Variants in ATG14 observed in about 807,000 individuals in gnomAD.
ATG14 encodes the protein autophagy related 14.
In ATG14, 35 loss-of-function variants were observed where a neutral mutation model predicts 60.4. That is an observed-to-expected ratio of 0.58 (90% CI 0.44 to 0.77). The LOEUF (loss-of-function observed/expected upper bound fraction) is 0.77. ATG14 is among the 30% of genes least tolerant of loss of function. ATG14 has a pLI of 0.00. For missense variants in ATG14, 647 were observed against 626.3 expected (o/e 1.03, Z -0.35); for synonymous variants, 234 against 228.8 (o/e 1.02, Z -0.21).
At chr14:55,398,233 G>A (rs1474944060) in intron 1 of ATG14, among the ~76,000 whole-genome samples, 2 of 152,134 alleles carry the variant, frequency 1.3e-5, no homozygotes, top group Non-Finnish European at 2.9e-5. Flanking sequence ...TTACAGGTGT[G>A]AGCCACCGCG....
chr14:55,398,542 ATT>A (rs1246916178), intron 1 of ATG14, among the ~76,000 whole-genome samples: 1 of 152,164 alleles, frequency 6.6e-6, no homozygotes, highest in Non-Finnish European at 1.5e-5. Context: ...TTAGAAGCAT[ATT>A]GTTTAATTTT....
intron 1 of ATG14, among the ~76,000 whole-genome samples, chr14:55,403,356 A>T (rs534599349): frequency 1.3e-5 from 2 of 152,276 alleles, no homozygotes; most frequent in East Asian, 3.9e-4. Context: ...CTGAGGGATT[A>T]TGAAACCAGG....
At position 55,374,198 on chromosome 14, in the gene ATG14, G is replaced by GT. The variant is rs1188241323; in HGVS notation, c.1172+3620dup. 4.0e-5 allele frequency among the ~76,000 whole-genome samples: 6 copies of GT among 150,446 alleles called. No individual in the cohort carries two copies. The East Asian group carries it at 1.2e-3, about 29-fold the overall frequency. On this transcript the variant is annotated intron_variant, in intron 9 of 9. Transcript: ENST00000247178. ...AAACTTGTTTTGAATTGCATTTTAA[G>GT]TTTTTTATTATTTTAATGTTTTTTT...
At position 55,368,377 on chromosome 14, in the gene ATG14, A is replaced by C. The variant is rs1884732549; in HGVS notation, c.*1242T>G. 2 of 151,692 alleles carry C rather than the reference A, an allele frequency of 1.3e-5. No homozygotes were observed. The highest frequency in any genetic ancestry group is 1.3e-4 in the Admixed American group (2 of 15,250). The allele number at this position is 151,692 out of a possible 1,614,324, so 9.4% of individuals were successfully genotyped here. A position where few individuals can be genotyped will look rare whatever the true frequency, so the allele number is the denominator to read the frequency against. ...TGGGATTACAGGCGTGCGCCACCAC[A>C]CCCGGTAATTTTTTGTATTTTTAGT... On this transcript the variant is annotated 3_prime_UTR_variant, in exon 10 of 10. Transcript: ENST00000247178.
intron 9 of ATG14, among the ~76,000 whole-genome samples, chr14:55,371,528 C>G (rs546540588): frequency 6.6e-6 from 1 of 151,422 alleles, no homozygotes; most frequent in South Asian, 2.1e-4. Context: ...CCCCTCAGGC[C>G]GGGCGCGGTG....
At chr14:55,405,200 A>G in intron 1 of ATG14, among the ~76,000 whole-genome samples, 1 of 152,336 alleles carries the variant, frequency 6.6e-6, no homozygotes, top group East Asian at 1.9e-4. Flanking sequence ...TTCTCAAGAC[A>G]ATAGATTTTT....
In ATG14 at chr14:55,367,464, C is replaced by A. The variant is rs922955698; in HGVS notation, c.*2155G>T. On this transcript the variant is annotated 3_prime_UTR_variant, in exon 10 of 10. Transcript: ENST00000247178. Reference sequence around the variant, plus strand: ...CAGTGTAGAAGAACCCATAAGGGGCCGGGCGCGGTGGCTCAGGCCTGTAAT... The same window carrying A: ...CAGTGTAGAAGAACCCATAAGGGGCAGGGCGCGGTGGCTCAGGCCTGTAAT... 1 of 152,142 alleles carries A rather than the reference C, an allele frequency of 6.6e-6. No homozygotes were observed. Among genetic ancestry groups the A allele is most frequent in the Non-Finnish European group, 1.5e-5 (1 of 68,038 alleles). 9.4% of individuals were successfully genotyped at this position (152,142 alleles called of 1,614,324 possible). A position where few individuals can be genotyped will look rare whatever the true frequency, so the allele number is the denominator to read the frequency against.
intron 7 of ATG14, among the ~76,000 whole-genome samples, chr14:55,379,517 C>G (rs531995798): frequency 3.0e-4 from 45 of 152,106 alleles, no homozygotes; most frequent in East Asian, 1.9e-4. Context: ...TGCACTCCAG[C>G]CTGGACGACA....
At chr14:55,370,897 T>C (rs1490097759) in intron 9 of ATG14, among the ~76,000 whole-genome samples, 2 of 152,132 alleles carry the variant, frequency 1.3e-5, no homozygotes, top group African/African-American at 4.8e-5. Flanking sequence ...CACCCCTGCC[T>C]CTCAAAACGC....
chr14:55,386,093 G>A lies in ATG14; in HGVS notation c.413C>T (p.Ser138Phe). The change falls in exon 5 of 10, where the codon TCT (serine) becomes TTT (phenylalanine). Residue 138 changes from serine to phenylalanine, a missense_variant. Ser to Phe is a radical substitution (Grantham distance 155). Coordinates refer to ENST00000247178, the MANE Select transcript of ATG14 (RefSeq NM_014924.5). ...TTCCTTGGTTTTGAGAAGGCCTTCA[G>A]AATCTAAAATAAATAAATCACACCC... ...CKGNEEMEKN[S>F]EGLLKTKEKN... 6.2e-7 allele frequency: 1 copy of A among 1,606,900 alleles called. No individual in the cohort carries two copies.
At chr14:55,369,993 T>C in intron 9 of ATG14, 68 bp from the exon 10 acceptor site, 2 of 1,468,206 alleles carry the variant, frequency 1.4e-6, no homozygotes, top group Non-Finnish European at 9.2e-7. Context: ...TATGCCATCT[T>C]CCTGAAGGCC....
rs112171633 is a variant in ATG14 at position 55,370,834 on chromosome 14, T to A, written c.1173-909A>T. On this transcript the variant is annotated intron_variant, in intron 9 of 9. Coordinates refer to ENST00000247178, the MANE Select transcript of ATG14 (RefSeq NM_014924.5). ...TTTTGTATTTTTAGTAGAGACGGGG[T>A]TTCACCACGTTGGCCAGGCTGGTCT... Among the ~76,000 whole-genome samples the A allele has an allele frequency of 3.2e-3, 485 of 151,988 alleles. 4 individuals are homozygous for A. Among genetic ancestry groups the A allele is most frequent in the African/African-American group, 0.011 (457 of 41,432 alleles).
intron 5 of ATG14, 141 bp from the exon 6 acceptor site, chr14:55,382,332 G>T: frequency 1.5e-6 from 1 of 672,314 alleles, no homozygotes. Context: ...TTTTATTTTA[G>T]AGATGGGTGT....
chr14:55,382,259 A>T (rs1885049323), intron 5 of ATG14, 68 bp from the exon 6 acceptor site: 9 of 1,392,798 alleles, frequency 6.5e-6, no homozygotes, highest in Non-Finnish European at 8.1e-6. Flanking sequence ...ATATAACTGC[A>T]AGACATGCTA....
chr14:55,411,579 T>C (rs752710145), intron 1 of ATG14, 23 bp downstream of exon 1: 61 of 1,588,300 alleles, frequency 3.8e-5, no homozygotes, highest in African/African-American at 5.4e-5. Flanking sequence ...GAAGAAACAA[T>C]AGGGCCGTGG....
chr14:55,385,135 G>A (rs999708140), intron 5 of ATG14, among the ~76,000 whole-genome samples: 1 of 152,154 alleles, frequency 6.6e-6, no homozygotes, highest in Non-Finnish European at 1.5e-5. Flanking sequence ...AGCTCTAGAT[G>A]TTTTCTTATG....
chr14:55,383,605 A>T lies in ATG14; in HGVS notation c.648-1414T>A, dbSNP rs1885073690. Among the ~76,000 whole-genome samples, 3 of 151,616 alleles carry T rather than the reference A, an allele frequency of 2.0e-5. No homozygotes were observed. The South Asian group carries it at 6.2e-4, about 32-fold the overall frequency. On this transcript the variant is annotated intron_variant, in intron 5 of 9. Transcript: ENST00000247178. ...AACAACAACAAAAAAAACCCCCAAG[A>T]ACAACAAAAAATAACAAGCCCATCA... is the stretch of plus-strand genomic sequence containing the variant.
At position 55,380,553 on chromosome 14, in the gene ATG14, T is replaced by C; in HGVS notation, c.995+20A>G. ...GAAAGAGCCATGATAAAGATGACAT[T>C]ACCACCTTCAATTACTTGCCTGTTG... On this transcript the variant is annotated intron_variant, in intron 7 of 9. Coordinates refer to ENST00000247178, the MANE Select transcript of ATG14 (RefSeq NM_014924.5). 1.4e-6 allele frequency: 2 copies of C among 1,479,020 alleles called. No homozygotes were observed. The highest frequency in any genetic ancestry group is 1.9e-6 in the Non-Finnish European group (2 of 1,061,936). 91.6% of individuals were successfully genotyped at this position (1,479,020 alleles called of 1,614,324 possible). A position where few individuals can be genotyped will look rare whatever the true frequency, so the allele number is the denominator to read the frequency against.
intron 5 of ATG14, among the ~76,000 whole-genome samples, chr14:55,382,599 C>T (rs1373451544): frequency 1.3e-5 from 2 of 152,174 alleles, no homozygotes; most frequent in African/African-American, 4.8e-5. Context: ...TCATGAGCTA[C>T]CGTGACCAGC....
Sources: allele counts gnomAD v4.1 joint callset (sites outside exome capture counted in the v4.1 genomes callset), GRCh38; gene constraint gnomAD v4.1.1; transcripts MANE v1.5; gene names NCBI Gene and HGNC (gene_info 2026-07-23, HGNC 2026-07-21).